The following GRIK1 variants were observed in gnomAD, a reference collection of about 807,000 sequenced individuals.
The protein encoded by GRIK1 is glutamate ionotropic receptor kainate type subunit 1.
Under a neutral mutation model 105.7 loss-of-function variants are expected in GRIK1, and 69 were observed. The observed-to-expected ratio is 0.65, with a 90% CI of 0.54 to 0.80. The LOEUF is 0.80. GRIK1 is among the 30% of genes least tolerant of loss of function. GRIK1 has a pLI of 0.00. For missense variants in GRIK1, 1,109 were observed against 1,167.3 expected (o/e 0.95, Z 0.73); for synonymous variants, 438 against 431.3 (o/e 1.02, Z -0.19).
At chr21:29,621,423 T>C (rs2062000816) in intron 7 of GRIK1, among the ~76,000 whole-genome samples, 1 of 152,090 alleles carries the variant, frequency 6.6e-6, no homozygotes, top group African/African-American at 2.4e-5. Context: ...GGGAAGACGA[T>C]CTAAAACCTA....
intron 1 of GRIK1, among the ~76,000 whole-genome samples, chr21:29,783,139 T>C (rs1336025419): frequency 6.6e-6 from 1 of 152,220 alleles, no homozygotes; most frequent in Non-Finnish European, 1.5e-5. Flanking sequence ...ATTTTTATTC[T>C]TTGATTTTAT....
intron 3 of GRIK1, among the ~76,000 whole-genome samples, chr21:29,673,553 T>C (rs1309292843): frequency 6.6e-6 from 1 of 152,226 alleles, no homozygotes; most frequent in Non-Finnish European, 1.5e-5. Flanking sequence ...ACAAAGCCGA[T>C]AGAATATGGA....
chr21:29,695,434 CAA>C (rs2063676148), intron 1 of GRIK1, among the ~76,000 whole-genome samples: 2 of 145,484 alleles, frequency 1.4e-5, no homozygotes, highest in Non-Finnish European at 3.0e-5. Context: ...ATATCTATAT[CAA>C]TATCTATCTA....
intron 17 of GRIK1, 102 bp downstream of exon 17, chr21:29,537,696 T>C (rs1435563879): frequency 1.4e-5 from 11 of 790,834 alleles, no homozygotes; most frequent in Admixed American, 3.6e-5. Flanking sequence ...GACACCAAAA[T>C]AGAGTTAAAT....
chr21:29,697,856 T>C (rs1471380329), intron 1 of GRIK1, among the ~76,000 whole-genome samples: 2 of 152,042 alleles, frequency 1.3e-5, no homozygotes, highest in African/African-American at 4.8e-5. Flanking sequence ...TCCTTCTTGT[T>C]CTCTCTTTCC....
At chr21:29,795,808 G>T (rs1403139608) in intron 1 of GRIK1, among the ~76,000 whole-genome samples, 6 of 152,158 alleles carry the variant, frequency 3.9e-5, no homozygotes, top group Admixed American at 3.9e-4. Context: ...GCTAGCAAGA[G>T]AGTTGCATAT....
chr21:29,599,042 G>T (rs2061469328), intron 7 of GRIK1, 105 bp from the exon 8 acceptor site: 2 of 608,426 alleles, frequency 3.3e-6, no homozygotes, highest in Non-Finnish European at 5.9e-6. Flanking sequence ...CCAATTATTT[G>T]TTTTCATCAT....
At chr21:29,917,708 C>T (rs552922208) in intron 1 of GRIK1, among the ~76,000 whole-genome samples, 89 of 151,904 alleles carry the variant, frequency 5.9e-4, no homozygotes, top group Non-Finnish European at 1.1e-3. Flanking sequence ...AGGTTCTACC[C>T]CCACATATTT....
intron 1 of GRIK1, among the ~76,000 whole-genome samples, chr21:29,792,233 T>G (rs2066438765): frequency 6.6e-6 from 1 of 152,178 alleles, no homozygotes; most frequent in African/African-American, 2.4e-5. Flanking sequence ...AAGTTCAGCT[T>G]TTGAATTTAC....
At chr21:29,773,477 C>A (rs577923662) in intron 1 of GRIK1, among the ~76,000 whole-genome samples, 2 of 152,106 alleles carry the variant, frequency 1.3e-5, no homozygotes, top group South Asian at 4.1e-4. Flanking sequence ...TTCTTCTTGA[C>A]ATATGTCTAC....
intron 14 of GRIK1, among the ~76,000 whole-genome samples, chr21:29,568,858 T>G (rs1262509870): frequency 6.6e-6 from 1 of 152,246 alleles, no homozygotes; most frequent in Non-Finnish European, 1.5e-5. Flanking sequence ...CTAACCTCAG[T>G]ACTGACCATA....
intron 4 of GRIK1, 141 bp downstream of exon 4, chr21:29,672,842 G>C: frequency 1.5e-6 from 1 of 658,458 alleles, no homozygotes; most frequent in Non-Finnish European, 2.7e-6. Context: ...TGTTTAAAAG[G>C]GCTCTGAAAA....
intron 1 of GRIK1, among the ~76,000 whole-genome samples, chr21:29,699,928 C>T (rs748818177): frequency 2.6e-5 from 4 of 152,120 alleles, no homozygotes; most frequent in African/African-American, 7.2e-5. Flanking sequence ...GGATTACAGG[C>T]GTGAGCCACC....
intron 1 of GRIK1, among the ~76,000 whole-genome samples, chr21:29,809,305 G>T (rs147901751): frequency 6.6e-6 from 1 of 152,046 alleles, no homozygotes; most frequent in African/African-American, 2.4e-5. Context: ...CAAATTTTTC[G>T]GTTTTCCAGT....
chr21:29,733,888 T>G (rs1345938831), intron 1 of GRIK1, among the ~76,000 whole-genome samples: 1 of 152,142 alleles, frequency 6.6e-6, no homozygotes, highest in Non-Finnish European at 1.5e-5. Flanking sequence ...ATATAGTAGA[T>G]GTAAAACTGT....
intron 1 of GRIK1, among the ~76,000 whole-genome samples, chr21:29,727,481 A>G (rs1461836740): frequency 6.6e-6 from 1 of 152,118 alleles, no homozygotes; most frequent in Non-Finnish European, 1.5e-5. Flanking sequence ...CTCTTATCCT[A>G]TGAGGTTCAT....
At chr21:29,585,259 C>T (rs2091105676) in intron 12 of GRIK1, among the ~76,000 whole-genome samples, 1 of 151,648 alleles carries the variant, frequency 6.6e-6, no homozygotes, top group Non-Finnish European at 1.5e-5. Flanking sequence ...GAATGAAGTC[C>T]AAAAATATGG....
intron 1 of GRIK1, chr21:29,861,704 A>T: frequency 2.2e-6 from 1 of 451,256 alleles, no homozygotes; most frequent in South Asian, 1.6e-5. Context: ...TATTTTCTGC[A>T]TAAATGTATT....
At chr21:29,736,960 T>G (rs2064807142) in intron 1 of GRIK1, among the ~76,000 whole-genome samples, 2 of 152,196 alleles carry the variant, frequency 1.3e-5, no homozygotes, top group Admixed American at 1.3e-4. Flanking sequence ...ATTACAGGCG[T>G]GAACAACCAT....
Sources: gnomAD v4.1 joint callset for allele counts (sites outside exome capture counted in the v4.1 genomes callset) on GRCh38, gnomAD v4.1.1 for gene constraint, MANE v1.5 for transcripts, NCBI Gene and HGNC (gene_info 2026-07-23, HGNC 2026-07-21) for gene names.